The following ESR2 variants were observed in gnomAD, a reference collection of about 807,000 sequenced individuals.
ESR2 encodes estrogen receptor beta.
A neutral mutation model predicts 49.6 loss-of-function variants in ESR2; 36 were observed. The observed-to-expected ratio is 0.73, with a 90% CI of 0.56 to 0.96. The LOEUF is 0.96. ESR2 is among the 40% of genes least tolerant of loss of function. The pLI is 0.00. For synonymous variants in ESR2, 320 were observed against 266.1 expected, an observed-to-expected ratio of 1.20 and a Z score of -1.97; for missense variants, 714 against 693.0, an observed-to-expected ratio of 1.03 and a Z score of -0.34.
chr14:64,262,317 G>C (rs2076240683), intron 4 of ESR2, among the ~76,000 whole-genome samples: 1 of 151,928 alleles, frequency 6.6e-6, no homozygotes, highest in Non-Finnish European at 1.5e-5. Flanking sequence ...GTCTCACCAT[G>C]TTGCCCAGGC....
intron 6 of ESR2, among the ~76,000 whole-genome samples, chr14:64,252,304 C>CCT (rs35291917): frequency 0.61 from 91,162 of 150,028 alleles, 29,727 homozygotes; most frequent in African/African-American, 0.86. Context: ...AGAGCGGGAC[C>CCT]GTCTCTAAAA....
chr14:64,284,987 T>C (rs1289486289), intron 1 of ESR2, among the ~76,000 whole-genome samples: 1 of 151,950 alleles, frequency 6.6e-6, no homozygotes, highest in Non-Finnish European at 1.5e-5. Flanking sequence ...GTAGCTGGGA[T>C]TATAGGCGCC....
At chr14:64,267,521 C>T (rs2076356229) in intron 4 of ESR2, among the ~76,000 whole-genome samples, 1 of 152,030 alleles carries the variant, frequency 6.6e-6, no homozygotes, top group Admixed American at 6.6e-5. Flanking sequence ...GGGTTCTAAT[C>T]TGTTACATAC....
chr14:64,256,896 T>G (rs531106330), intron 6 of ESR2, among the ~76,000 whole-genome samples: 1 of 152,174 alleles, frequency 6.6e-6, no homozygotes, highest in East Asian at 1.9e-4. Context: ...CAACTTAAGA[T>G]TATAACCTGA....
chr14:64,316,464 T>C (rs2077256348), intron 1 of ESR2, among the ~76,000 whole-genome samples: 1 of 152,190 alleles, frequency 6.6e-6, no homozygotes, highest in South Asian at 2.1e-4. Flanking sequence ...AAATTCATTT[T>C]ATGAAACTAA....
chr14:64,267,601 G>C (rs554190430), intron 4 of ESR2, among the ~76,000 whole-genome samples: 2 of 152,118 alleles, frequency 1.3e-5, no homozygotes, highest in East Asian at 3.9e-4. Context: ...GGAGGGCTGG[G>C]TACAGTGGCT....
At chr14:64,296,148 C>T (rs948802591), upstream of ESR2, among the ~76,000 whole-genome samples, 1 of 151,722 alleles carries the variant, frequency 6.6e-6, no homozygotes, top group African/African-American at 2.4e-5. Context: ...CAACCATAAG[C>T]CAACAGGCAG....
At chr14:64,279,587 A>G (rs538499931) in intron 3 of ESR2, among the ~76,000 whole-genome samples, 3 of 152,344 alleles carry the variant, frequency 2.0e-5, no homozygotes, top group African/African-American at 7.2e-5. Flanking sequence ...TTTCTTCCTC[A>G]GGAGCCAGCC....
At chr14:64,318,705 G>T (rs1251388583) in intron 1 of ESR2, among the ~76,000 whole-genome samples, 1 of 151,672 alleles carries the variant, frequency 6.6e-6, no homozygotes, top group Non-Finnish European at 1.5e-5. Flanking sequence ...TTAGAAACTA[G>T]CCAGGTCAAC....
chr14:64,251,970 T>A (rs188435589), intron 6 of ESR2, among the ~76,000 whole-genome samples: 42 of 152,272 alleles, frequency 2.8e-4, no homozygotes, highest in African/African-American at 1.0e-3. Context: ...TAATTTTAGA[T>A]TGAAACTGAA....
intron 1 of ESR2, among the ~76,000 whole-genome samples, chr14:64,313,307 T>C (rs972091984): frequency 1.3e-5 from 2 of 151,630 alleles, no homozygotes; most frequent in Non-Finnish European, 2.9e-5. Flanking sequence ...CCAAGGCGGG[T>C]GTATCACCTG....
At chr14:64,331,714 C>T (rs1445211017) in intron 1 of ESR2, among the ~76,000 whole-genome samples, 1 of 150,192 alleles carries the variant, frequency 6.7e-6, no homozygotes, top group African/African-American at 2.4e-5. Context: ...ATCCCAGCTA[C>T]TAAAGAGGCT....
intron 3 of ESR2, among the ~76,000 whole-genome samples, chr14:64,278,397 C>T (rs2076599060): frequency 6.6e-6 from 1 of 152,194 alleles, no homozygotes; most frequent in Non-Finnish European, 1.5e-5. Context: ...ACCAACATTT[C>T]ACTCCTCACC....
At chr14:64,325,591 A>T (rs549809991) in intron 1 of ESR2, among the ~76,000 whole-genome samples, 7 of 152,280 alleles carry the variant, frequency 4.6e-5, no homozygotes, top group Admixed American at 4.6e-4. Flanking sequence ...AATAATTAAG[A>T]TTGGAATTAC....
At chr14:64,264,158 C>T (rs1014702410) in intron 4 of ESR2, among the ~76,000 whole-genome samples, 1 of 152,134 alleles carries the variant, frequency 6.6e-6, no homozygotes, top group Non-Finnish European at 1.5e-5. Context: ...CTGCAAAATG[C>T]TTGGTTTTAT....
intron 7 of ESR2, among the ~76,000 whole-genome samples, chr14:64,248,505 C>CAAAAAAAAAAAAAA (rs56108535): frequency 3.4e-5 from 3 of 87,262 alleles, no homozygotes; most frequent in Non-Finnish European, 4.5e-5. Context: ...GATCCTGTCT[C>CAAAAAAAAAAAAAA]AAAAAAAAAA....
intron 5 of ESR2, 187 bp from the exon 6 acceptor site, chr14:64,257,551 T>G (rs1567750366): frequency 5.7e-6 from 4 of 701,454 alleles, no homozygotes; most frequent in Non-Finnish European, 9.2e-6. Flanking sequence ...GCAACTTAGT[T>G]TCCAGTCTTG....
intron 7 of ESR2, among the ~76,000 whole-genome samples, chr14:64,246,117 C>T (rs72720398): frequency 0.081 from 12,258 of 152,226 alleles, 525 homozygotes; most frequent in South Asian, 0.12. Flanking sequence ...CCAAGGTGGG[C>T]AGATCACTCG....
chr14:64,238,755 T>A (rs1294750976), intron 7 of ESR2, among the ~76,000 whole-genome samples: 8 of 142,604 alleles, frequency 5.6e-5, no homozygotes, highest in African/African-American at 1.8e-4. Flanking sequence ...AAGTATAGTT[T>A]AAAAAAAAAA....
Sources: gnomAD v4.1 joint callset for allele counts (sites outside exome capture counted in the v4.1 genomes callset) on GRCh38, gnomAD v4.1.1 for gene constraint, MANE v1.5 for transcripts, NCBI Gene and HGNC (gene_info 2026-07-23, HGNC 2026-07-21) for gene names.